PPHLN1: variants seen among roughly 807,000 people sequenced by gnomAD.
The protein encoded by PPHLN1 is periphilin-1.
In PPHLN1, 29 loss-of-function variants were observed where a neutral mutation model predicts 51.3. The observed-to-expected ratio is 0.57, with a 90% CI of 0.42 to 0.77. PPHLN1 has a LOEUF of 0.77. Among genes scored for constraint, PPHLN1 ranks in the 30% least tolerant of loss-of-function variants. The pLI is 0.00. For synonymous variants in PPHLN1, 147 were observed against 147.8 expected (o/e 0.99, Z 0.04); for missense variants, 436 against 438.4 (o/e 0.99, Z 0.05).
intron 9 of PPHLN1, among the ~76,000 whole-genome samples, chr12:42,408,842 GA>G (rs892120950): frequency 5.9e-5 from 9 of 152,094 alleles, no homozygotes; most frequent in Non-Finnish European, 1.3e-4. Context: ...GTCACACTGA[GA>G]AAAAACTATT....
At chr12:42,327,285 A>G (rs1477496406) in intron 1 of PPHLN1, among the ~76,000 whole-genome samples, 2 of 152,166 alleles carry the variant, frequency 1.3e-5, no homozygotes, top group African/African-American at 2.4e-5. Context: ...ACTATTTTAC[A>G]TATTCAACTT....
At position 42,335,940 on chromosome 12, in the gene PPHLN1, C is replaced by T. The variant is rs201787242; in HGVS notation, c.38C>T (p.Pro13Leu). 8.4e-5 allele frequency: 133 copies of T among 1,583,980 alleles called. No homozygotes were observed. In the Middle Eastern group the frequency reaches 2.2e-3, roughly 26 times the overall value. ...SEGRYEYERI[P>L]RERAPPRSHP... is the part of the protein sequence containing the mutation. ...GGACGATATGAATATGAAAGAATTCCGAGAGAACGAGCACCTCCTCGAAGT... is the reference window on the plus strand; with the variant it reads ...GGACGATATGAATATGAAAGAATTCTGAGAGAACGAGCACCTCCTCGAAGT... Residue 13 changes from proline (P) to leucine (L), a missense_variant, in exon 2 of 10, where the codon CCG (proline) becomes CTG (leucine). Transcript: ENST00000358314.
chr12:42,329,674 A>G (rs999720289), intron 1 of PPHLN1: 3 of 152,158 alleles, frequency 2.0e-5, no homozygotes, highest in African/African-American at 7.2e-5. Flanking sequence ...GGTATCTTAG[A>G]TTATTAGTGC....
intron 1 of PPHLN1, among the ~76,000 whole-genome samples, chr12:42,335,387 T>G (rs895379072): frequency 2.0e-5 from 3 of 152,190 alleles, no homozygotes; most frequent in African/African-American, 7.2e-5. Context: ...TTAACACTTT[T>G]TTCAGTTAAA....
chr12:42,347,178 A>C (rs1292505520), intron 2 of PPHLN1: 2 of 152,214 alleles, frequency 1.3e-5, no homozygotes, highest in Non-Finnish European at 2.9e-5. Flanking sequence ...ATGCTTGCCT[A>C]GGTACAAGGC....
chr12:42,337,536 C>T (rs1003453161), intron 2 of PPHLN1, among the ~76,000 whole-genome samples: 2 of 151,338 alleles, frequency 1.3e-5, no homozygotes, highest in South Asian at 4.2e-4. Context: ...CCTCAGGTGG[C>T]CTGCCCACCT....
intron 1 of PPHLN1, among the ~76,000 whole-genome samples, chr12:42,329,011 G>C (rs897108305): frequency 2.6e-5 from 4 of 151,804 alleles, no homozygotes; most frequent in Non-Finnish European, 5.9e-5. Flanking sequence ...ACCGCACCCA[G>C]CCCCAGCATC....
chr12:42,446,911 A>G, downstream of PPHLN1: 1 of 366,748 alleles, frequency 2.7e-6, no homozygotes, highest in Non-Finnish European at 4.9e-6. Flanking sequence ...CCCTCCGGAA[A>G]TCATGCAAGA....
At chr12:42,337,351 G>A (rs147581171) in intron 2 of PPHLN1, among the ~76,000 whole-genome samples, 4 of 149,426 alleles carry the variant, frequency 2.7e-5, no homozygotes, top group Admixed American at 1.4e-4. Context: ...CACTCTTGTC[G>A]CCCAGGCTGG....
intron 6 of PPHLN1, among the ~76,000 whole-genome samples, chr12:42,386,532 C>A (rs1292773464): frequency 6.6e-6 from 1 of 152,156 alleles, no homozygotes; most frequent in Non-Finnish European, 1.5e-5. Flanking sequence ...TGCTTTTGCT[C>A]TTGACTGCTT....
chr12:42,445,309 C>T (rs1019416452), downstream of PPHLN1: 3 of 575,540 alleles, frequency 5.2e-6, no homozygotes, highest in African/African-American at 3.8e-5. Flanking sequence ...TGTCAACTTA[C>T]CCAGAGACTA....
chr12:42,333,218 A>T (rs1248397350), intron 1 of PPHLN1, among the ~76,000 whole-genome samples: 1 of 152,166 alleles, frequency 6.6e-6, no homozygotes. Context: ...CTCCTTTTGT[A>T]TAAATATAAT....
At chr12:42,352,412 ATTTTT>A (rs199658531) in intron 3 of PPHLN1, among the ~76,000 whole-genome samples, 1 of 141,920 alleles carries the variant, frequency 7.0e-6, no homozygotes, top group South Asian at 2.2e-4. Flanking sequence ...AACCCACTTA[ATTTTT>A]TTTTTTTTTT....
intron 1 of PPHLN1, among the ~76,000 whole-genome samples, chr12:42,327,960 A>T (rs778533068): frequency 6.6e-5 from 10 of 152,148 alleles, no homozygotes; most frequent in Admixed American, 2.0e-4. Context: ...AAAAAGTTGG[A>T]AATACCATTT....
chr12:42,345,884 T>C (rs1347684513), intron 2 of PPHLN1, among the ~76,000 whole-genome samples: 1 of 152,054 alleles, frequency 6.6e-6, no homozygotes, highest in Non-Finnish European at 1.5e-5. Context: ...TCAAGGTATT[T>C]TCCTCTTTTT....
intron 9 of PPHLN1, among the ~76,000 whole-genome samples, chr12:42,408,139 T>C (rs1350249638): frequency 6.6e-6 from 1 of 152,194 alleles, no homozygotes; most frequent in Non-Finnish European, 1.5e-5. Flanking sequence ...TTGGGCGGGC[T>C]TAACTTGCTA....
At chr12:42,398,374 C>T (rs2078470374) in intron 8 of PPHLN1, among the ~76,000 whole-genome samples, 4 of 152,180 alleles carry the variant, frequency 2.6e-5, no homozygotes, top group Non-Finnish European at 5.9e-5. Context: ...GTGTACAACA[C>T]CTCTCACTTC....
intron 9 of PPHLN1, among the ~76,000 whole-genome samples, chr12:42,431,031 G>A (rs2081992326): frequency 6.6e-6 from 1 of 152,176 alleles, no homozygotes; most frequent in Non-Finnish European, 1.5e-5. Context: ...CTAAAGCTAT[G>A]TTTTATTTTT....
At chr12:42,346,342 G>T (rs80004936) in intron 2 of PPHLN1, among the ~76,000 whole-genome samples, 20 of 150,652 alleles carry the variant, frequency 1.3e-4, no homozygotes, top group African/African-American at 2.0e-4. Flanking sequence ...ATATTTTTTT[G>T]TGTGTGTATC....
Sources: gnomAD v4.1 joint callset for allele counts (sites outside exome capture counted in the v4.1 genomes callset) on GRCh38, gnomAD v4.1.1 for gene constraint, MANE v1.5 for transcripts, NCBI Gene and HGNC (gene_info 2026-07-23, HGNC 2026-07-21) for gene names.